Variants in CALN1 observed in about 807,000 individuals in gnomAD.
The protein encoded by CALN1 is calneuron 1.
A neutral mutation model predicts 30.6 loss-of-function variants in CALN1; 17 were observed. The ratio of observed to expected loss-of-function variants is 0.56; its 90% CI spans 0.38 to 0.83. The LOEUF is 0.83. Among genes scored for constraint, CALN1 ranks in the 40% least tolerant of loss-of-function variants. The probability of loss-of-function intolerance (pLI) is 0.00; values close to 1 mark genes in which losing one functional copy is unlikely to be tolerated. For synonymous variants in CALN1, 156 were observed against 131.4 expected (o/e 1.19, Z -1.28); for missense variants, 291 against 354.9 (o/e 0.82, Z 1.45).
intron 1 of CALN1, among the ~76,000 whole-genome samples, chr7:72,424,730 G>T (rs1807742511): frequency 6.6e-6 from 1 of 152,020 alleles, no homozygotes; most frequent in Admixed American, 6.6e-5. Context: ...CCCAGTAGCT[G>T]GGACTACAGA....
At chr7:72,129,131 C>T (rs530377525) in intron 3 of CALN1, among the ~76,000 whole-genome samples, 20 of 152,046 alleles carry the variant, frequency 1.3e-4, no homozygotes, top group Non-Finnish European at 2.9e-4. Flanking sequence ...CAAGTTCAGC[C>T]CAACTCATAA....
rs3065015 is a variant in CALN1, at chr7:72,079,761, C to CTTTTT, written c.388+26385_388+26389dup. The stretch of plus-strand genomic sequence containing the variant: ...AAATGCCCAAGAGGTTGCCTTTTTC[C>CTTTTT]TTTTTTTTTTTTTTTTTTTTTTTTT... On this transcript the variant is annotated intron_variant, in intron 4 of 6. Transcript: ENST00000395275. 5.8e-4 allele frequency among the ~76,000 whole-genome samples: 60 copies of CTTTTT among 104,040 alleles called. 2 individuals carry two copies. Among genetic ancestry groups the CTTTTT allele is most frequent in the African/African-American group, 2.2e-3 (54 of 25,056 alleles). The allele number at this position is 104,040 out of a possible 152,430, so 68.3% of individuals were successfully genotyped here.
At chr7:71,869,718 T>C (rs1386940367) in intron 5 of CALN1, among the ~76,000 whole-genome samples, 1 of 152,218 alleles carries the variant, frequency 6.6e-6, no homozygotes, top group Admixed American at 6.5e-5. Context: ...ATAATGTATA[T>C]ATCTGAATAT....
chr7:72,358,215 A>C (rs1369078849), intron 2 of CALN1, among the ~76,000 whole-genome samples: 1 of 151,894 alleles, frequency 6.6e-6, no homozygotes, highest in Non-Finnish European at 1.5e-5. Flanking sequence ...CACTGGTCTC[A>C]AATGCCTGGC....
intron 3 of CALN1, among the ~76,000 whole-genome samples, chr7:72,157,892 C>T (rs368285528): frequency 3.9e-5 from 6 of 152,074 alleles, no homozygotes; most frequent in African/African-American, 1.4e-4. Context: ...TACAGGCACC[C>T]GCCACCATGC....
chr7:72,131,752 T>C (rs780201881), intron 3 of CALN1, among the ~76,000 whole-genome samples: 1 of 152,214 alleles, frequency 6.6e-6, no homozygotes, highest in African/African-American at 2.4e-5. Context: ...CTCTTCAGCA[T>C]TTCTCTGGAT....
the CALN1 span, among the ~76,000 whole-genome samples, chr7:72,487,772 GAAA>G: frequency 2.3e-5 from 2 of 86,250 alleles, no homozygotes; most frequent in African/African-American, 1.0e-4. Flanking sequence ...GGTAAAGAAA[GAAA>G]GAAAGAGAAA....
chr7:72,378,163 A>G (rs1804677667), intron 2 of CALN1, among the ~76,000 whole-genome samples: 1 of 152,204 alleles, frequency 6.6e-6, no homozygotes, highest in Admixed American at 6.5e-5. Context: ...TAGATGAGAA[A>G]AAGTCAAGCC....
intron 4 of CALN1, among the ~76,000 whole-genome samples, chr7:72,036,039 A>C (rs1242484075): frequency 6.6e-6 from 1 of 152,218 alleles, no homozygotes; most frequent in Non-Finnish European, 1.5e-5. Context: ...TAGTCATAAC[A>C]AACTCCCTCA....
chr7:72,341,546 A>G (rs1358236611), intron 2 of CALN1, among the ~76,000 whole-genome samples: 1 of 128,548 alleles, frequency 7.8e-6, no homozygotes, highest in Non-Finnish European at 1.8e-5. Flanking sequence ...ACAGACAAAC[A>G]AACAAATGCC....
At chr7:72,383,571 T>G (rs754565758) in intron 2 of CALN1, among the ~76,000 whole-genome samples, 16 of 152,358 alleles carry the variant, frequency 1.1e-4, no homozygotes, top group Non-Finnish European at 1.6e-4. Flanking sequence ...GCAGGCCCTA[T>G]GGGATGCCGT....
At chr7:72,395,247 T>C (rs1430117209) in intron 2 of CALN1, among the ~76,000 whole-genome samples, 1 of 152,172 alleles carries the variant, frequency 6.6e-6, no homozygotes, top group Non-Finnish European at 1.5e-5. Context: ...CAGTTATCTA[T>C]CATTTGCATT....
intron 2 of CALN1, among the ~76,000 whole-genome samples, chr7:72,394,078 T>G (rs973328301): frequency 7.2e-5 from 11 of 152,202 alleles, no homozygotes; most frequent in Non-Finnish European, 1.5e-4. Flanking sequence ...CAGAATTTCT[T>G]AGCTAAGATC....
intron 3 of CALN1, among the ~76,000 whole-genome samples, chr7:72,220,487 G>A (rs1793204222): frequency 6.6e-6 from 1 of 151,706 alleles, no homozygotes; most frequent in Admixed American, 6.6e-5. Context: ...ATTGTGAATA[G>A]TGCTGCAATA....
At chr7:72,299,747 C>T (rs1016338922) in intron 2 of CALN1, among the ~76,000 whole-genome samples, 3 of 140,972 alleles carry the variant, frequency 2.1e-5, no homozygotes, top group African/African-American at 8.0e-5. Context: ...GTTGCCCAGA[C>T]TGGTTTCAAA....
Position 71,787,182 on chromosome 7 carries a change from AG to A in CALN1, c.*592del, listed in dbSNP as rs1445739341. The A allele has an allele frequency of 8.4e-6, 1 of 118,362 alleles. No homozygotes were observed. Among genetic ancestry groups the A allele is most frequent in the East Asian group, 2.7e-4 (1 of 3,744 alleles). 7.3% of individuals were successfully genotyped at this position (118,362 alleles called of 1,614,324 possible). On this transcript the variant is annotated 3_prime_UTR_variant, in exon 7 of 7. Coordinates refer to ENST00000395275, the MANE Select transcript of CALN1 (RefSeq NM_031468.4). ...AAAGGCAGTAAGAACGGAAGCGGTG[AG>A]GGGTGCAGCTGAAGACCGCCAGGGC...
At chr7:71,799,722 G>T (rs28532471) in intron 6 of CALN1, among the ~76,000 whole-genome samples, 177 of 151,950 alleles carry the variant, frequency 1.2e-3, no homozygotes, top group African/African-American at 4.1e-3. Context: ...GTGATCCACC[G>T]GCCTCAACCT....
intron 4 of CALN1, among the ~76,000 whole-genome samples, chr7:72,056,642 G>A (rs1410736187): frequency 1.3e-5 from 2 of 152,032 alleles, no homozygotes; most frequent in African/African-American, 4.8e-5. Context: ...TCACAGACTT[G>A]CTAACATACT....
intron 5 of CALN1, among the ~76,000 whole-genome samples, chr7:71,827,848 T>C (rs1789021445): frequency 1.3e-5 from 2 of 151,336 alleles, no homozygotes; most frequent in Non-Finnish European, 2.9e-5. Flanking sequence ...GAAGGTGATA[T>C]TTGAGGAGGA....
Sources: gnomAD v4.1 joint callset for allele counts (sites outside exome capture counted in the v4.1 genomes callset) on GRCh38, gnomAD v4.1.1 for gene constraint, MANE v1.5 for transcripts, NCBI Gene and HGNC (gene_info 2026-07-23, HGNC 2026-07-21) for gene names.